MTMR2: variants seen among roughly 807,000 people sequenced by gnomAD.
MTMR2 encodes myotubularin related protein 2.
A neutral mutation model predicts 86.9 loss-of-function variants in MTMR2; 55 were observed. The observed-to-expected ratio is 0.63, with a 90% CI of 0.51 to 0.79. The LOEUF (loss-of-function observed/expected upper bound fraction) is 0.79. Ranked by LOEUF, MTMR2 falls within the 30% of genes least tolerant of loss-of-function variation. MTMR2 has a pLI of 0.00. For synonymous variants in MTMR2, 241 were observed against 266.8 expected (o/e 0.90, Z 0.94); for missense variants, 659 against 772.3 (o/e 0.85, Z 1.74).
intron 1 of MTMR2, among the ~76,000 whole-genome samples, chr11:95,892,836 A>G (rs1160221893): frequency 6.6e-6 from 1 of 152,078 alleles, no homozygotes; most frequent in East Asian, 1.9e-4. Context: ...CTTCAACAGG[A>G]TTCTCCCCTT....
rs373012424 is a variant in MTMR2 at position 95,849,997 on chromosome 11, G to GA, written c.805-136dup. The GA allele has an allele frequency of 9.9e-4, 824 of 829,212 alleles. 7 individuals carry two copies. The African/African-American group carries it at 0.013, about 13-fold the overall frequency. The allele number at this position is 829,212 out of a possible 1,614,324, so 51.4% of individuals were successfully genotyped here. On this transcript the variant is annotated intron_variant, in intron 8 of 14. Transcript: ENST00000346299. ...ATGAAAGGACATCTGAGGCTGCTAA[G>GA]AAAAATCATCACCTTTCCTTCAAGC...
At chr11:95,852,293 G>A (rs1417202059) in intron 7 of MTMR2, among the ~76,000 whole-genome samples, 2 of 152,188 alleles carry the variant, frequency 1.3e-5, no homozygotes, top group South Asian at 2.1e-4. Context: ...AGAATTCCAT[G>A]AGCATTCCAA....
intron 1 of MTMR2, among the ~76,000 whole-genome samples, chr11:95,896,945 T>C (rs937798838): frequency 6.6e-6 from 1 of 151,784 alleles, no homozygotes; most frequent in African/African-American, 2.4e-5. Context: ...TTTTTGACTA[T>C]GTTATTTTCA....
At chr11:95,850,860 A>G (rs1038895423) in intron 7 of MTMR2, 111 bp from the exon 8 acceptor site, 61 of 1,015,380 alleles carry the variant, frequency 6.0e-5, no homozygotes, top group Non-Finnish European at 8.6e-5. Context: ...TCCATCTCCT[A>G]AAGTGTTGGG....
At chr11:95,892,455 C>T (rs1448285356) in intron 1 of MTMR2, among the ~76,000 whole-genome samples, 1 of 152,184 alleles carries the variant, frequency 6.6e-6, no homozygotes, top group Non-Finnish European at 1.5e-5. Context: ...ACTTCAGTTA[C>T]ATGGCCACCT....
intron 1 of MTMR2, chr11:95,923,654 A>C (rs1283443431): frequency 1.6e-5 from 23 of 1,410,238 alleles, no homozygotes; most frequent in Middle Eastern, 2.1e-4. Context: ...CGGAATATGA[A>C]AGGTAGAGGA....
In MTMR2 at chr11:95,923,985, G is replaced by A. The variant is rs1266528226; in HGVS notation, c.-31C>T. The A allele has an allele frequency of 2.6e-6, 4 of 1,552,392 alleles. No homozygotes were observed. The highest frequency in any genetic ancestry group is 3.5e-6 in the Non-Finnish European group (4 of 1,147,778). On this transcript the variant is annotated 5_prime_UTR_variant, in exon 1 of 15. Coordinates refer to ENST00000346299, the MANE Select transcript of MTMR2 (RefSeq NM_016156.6). ...GGCAGGGGCAGCACAGGGAAAGGCT[G>A]AAGCAGTCTTCGCGGCTACAGGGCG...
chr11:95,845,984 G>A (rs1863774199), intron 10 of MTMR2, among the ~76,000 whole-genome samples: 1 of 151,090 alleles, frequency 6.6e-6, no homozygotes, highest in African/African-American at 2.4e-5. Context: ...ATACGCAGAT[G>A]AGAATGAAAG....
chr11:95,838,407 G>C (rs1449748542), intron 12 of MTMR2, among the ~76,000 whole-genome samples, 200 bp from the exon 13 acceptor site: 3 of 151,884 alleles, frequency 2.0e-5, no homozygotes, highest in Non-Finnish European at 4.4e-5. Context: ...TGATGTTTCT[G>C]TATCTGCTAT....
intron 2 of MTMR2, among the ~76,000 whole-genome samples, chr11:95,874,182 A>T (rs1211356074): frequency 2.0e-5 from 3 of 152,240 alleles, no homozygotes; most frequent in East Asian, 3.9e-4. Flanking sequence ...TCTGTCTAAT[A>T]TTGACAGTGG....
At chr11:95,839,151 T>G (rs1037120571) in intron 12 of MTMR2, among the ~76,000 whole-genome samples, 1 of 151,862 alleles carries the variant, frequency 6.6e-6, no homozygotes, top group African/African-American at 2.4e-5. Flanking sequence ...CCTTAAAGTT[T>G]CCTACATTTT....
chr11:95,835,537 T>G (rs1047812186), intron 14 of MTMR2, 86 bp from the exon 15 acceptor site: 1 of 1,424,896 alleles, frequency 7.0e-7, no homozygotes, highest in African/African-American at 1.4e-5. Context: ...CAGTGTATGT[T>G]TTTTCAGCTG....
At chr11:95,908,694 C>T (rs1236098796) in intron 1 of MTMR2, among the ~76,000 whole-genome samples, 1 of 152,034 alleles carries the variant, frequency 6.6e-6, no homozygotes, top group Non-Finnish European at 1.5e-5. Context: ...ATGCTGCCTT[C>T]CTACAATCAT....
At chr11:95,905,568 T>C (rs1291127962) in intron 1 of MTMR2, among the ~76,000 whole-genome samples, 4 of 152,182 alleles carry the variant, frequency 2.6e-5, no homozygotes, top group Non-Finnish European at 5.9e-5. Context: ...TCTAGATTAT[T>C]CCCACTCTTC....
chr11:95,852,291 A>T (rs1590986997), intron 7 of MTMR2, among the ~76,000 whole-genome samples: 1 of 152,244 alleles, frequency 6.6e-6, no homozygotes, highest in Admixed American at 6.5e-5. Flanking sequence ...AGAGAATTCC[A>T]TGAGCATTCC....
chr11:95,908,169 T>C (rs1866359217), intron 1 of MTMR2, among the ~76,000 whole-genome samples: 2 of 151,362 alleles, frequency 1.3e-5, no homozygotes, highest in African/African-American at 2.4e-5. Context: ...AATCAATGTA[T>C]GAAAGTCAGT....
At chr11:95,862,517 C>G (rs2135476647) in intron 3 of MTMR2, 151 bp from the exon 4 acceptor site, 2 of 691,400 alleles carry the variant, frequency 2.9e-6, no homozygotes, top group Admixed American at 2.2e-5. Context: ...TCCTACAACC[C>G]AAGCTTCCAT....
intron 2 of MTMR2, among the ~76,000 whole-genome samples, chr11:95,881,133 T>A (rs536987271): frequency 6.6e-6 from 1 of 152,196 alleles, no homozygotes; most frequent in African/African-American, 2.4e-5. Flanking sequence ...TCAACCTTTT[T>A]TTTTTTAAAC....
chr11:95,907,363 C>A (rs1866319318), intron 1 of MTMR2, among the ~76,000 whole-genome samples: 1 of 151,858 alleles, frequency 6.6e-6, no homozygotes, highest in African/African-American at 2.4e-5. Context: ...AAAATTGAAT[C>A]AATAATAAAA....
Sources: gnomAD v4.1 joint callset for allele counts (sites outside exome capture counted in the v4.1 genomes callset) on GRCh38, gnomAD v4.1.1 for gene constraint, MANE v1.5 for transcripts, NCBI Gene and HGNC (gene_info 2026-07-23, HGNC 2026-07-21) for gene names.